Variants in MORN3 observed in about 807,000 individuals in gnomAD.
MORN3 encodes the protein MORN repeat containing 3, also known as MORN repeat-containing protein 3.
A neutral mutation model predicts 34.7 loss-of-function variants in MORN3; 38 were observed. The observed-to-expected ratio is 1.10, with a 90% CI of 0.85 to 1.44. The LOEUF is 1.44. Ranked by LOEUF, MORN3 falls within the 40% of genes most tolerant of loss-of-function variation. The probability of loss-of-function intolerance (pLI) is 0.00; values close to 1 mark genes in which losing one functional copy is unlikely to be tolerated. For missense variants in MORN3, 311 were observed against 321.7 expected, an observed-to-expected ratio of 0.97 and a Z score of 0.25; for synonymous variants, 109 against 115.3, an observed-to-expected ratio of 0.95 and a Z score of 0.35.
intron 2 of MORN3, among the ~76,000 whole-genome samples, chr12:121,658,392 C>G (rs1382816964): frequency 1.3e-5 from 2 of 151,550 alleles, no homozygotes; most frequent in Non-Finnish European, 2.9e-5. Context: ...CGGTGAAACC[C>G]CGTCTTTACT....
intron 2 of MORN3, among the ~76,000 whole-genome samples, chr12:121,658,512 G>GC (rs1206322950): frequency 7.0e-6 from 1 of 143,324 alleles, no homozygotes; most frequent in Non-Finnish European, 1.5e-5. Context: ...CTCGCAGTGA[G>GC]CCAAGATGGC....
At chr12:121,659,167 A>ACACACACC (rs1555326052) in intron 2 of MORN3, 24 bp downstream of exon 2, 5 of 1,554,070 alleles carry the variant, frequency 3.2e-6, no homozygotes, top group Admixed American at 1.8e-5. Flanking sequence ...ACACACACAC[A>ACACACACC]CCCCGGCTGG....
At chr12:121,667,101 C>T (rs1039591199) in intron 1 of MORN3, among the ~76,000 whole-genome samples, 2 of 151,816 alleles carry the variant, frequency 1.3e-5, no homozygotes, top group Non-Finnish European at 2.9e-5. Flanking sequence ...GCTGGGATTA[C>T]AGGTGCCTGC....
chr12:121,659,738 C>T (rs146054026), intron 1 of MORN3, among the ~76,000 whole-genome samples: 57 of 151,822 alleles, frequency 3.8e-4, no homozygotes, highest in Admixed American at 9.2e-4. Context: ...CCATGTTGGC[C>T]AGGCAGGTCT....
At chr12:121,670,611 C>T (rs1224871761), upstream of MORN3, among the ~76,000 whole-genome samples, 3 of 151,346 alleles carry the variant, frequency 2.0e-5, no homozygotes, top group Non-Finnish European at 2.9e-5. Context: ...GAGTTCGAGA[C>T]CAGCCTAGTC....
chr12:121,669,380 C>T lies in MORN3; in HGVS notation c.104G>A (p.Gly35Asp). ...CTTCCACTCGCCCACATAGTAGTCG[C>T]CATTCACAGCGTATACCTGGCTCCG... The part of the protein sequence containing the change: ...GLRSQVYAVN[G>D]DYYVGEWKDN... The change falls in exon 1 of 6, where the codon GGC becomes GAC. Residue 35 changes from glycine (G) to aspartate (D), a missense_variant. By Grantham distance (94) the Gly-to-Asp change is moderately conservative (BLOSUM62 -1). Transcript: ENST00000355329. 6.2e-7 allele frequency: 1 copy of T among 1,614,064 alleles called. No individual in the cohort carries two copies. Among genetic ancestry groups the T allele is most frequent in the Non-Finnish European group, 8.5e-7 (1 of 1,179,958 alleles).
rs1381870935 is a variant in MORN3 at position 121,669,468 on chromosome 12, A to C, written c.16T>G (p.Cys6Gly). MPVSKCPKKSESLWKG... is the reference protein window; with the variant it reads MPVSKGPKKSESLWKG... ...CACAGGGACTCCGACTTTTTTGGGC[A>C]CTTAGAGACTGGCATGGTGGCTGCT... The change falls in exon 1 of 6, where the codon TGC (cysteine) becomes GGC (glycine). Residue 6 changes from cysteine (C) to glycine (G), a missense_variant. Physicochemically the swap from Cys to Gly is radical, Grantham distance 159. Coordinates refer to ENST00000355329, the MANE Select transcript of MORN3 (RefSeq NM_173855.5). The C allele has an allele frequency of 1.2e-6, 2 of 1,613,706 alleles. No homozygotes were observed. The highest frequency in any genetic ancestry group is 1.7e-6 in the Non-Finnish European group (2 of 1,179,752).
upstream of MORN3, among the ~76,000 whole-genome samples, chr12:121,669,931 T>C (rs1357212288): frequency 6.6e-6 from 1 of 151,622 alleles, no homozygotes; most frequent in Admixed American, 6.6e-5. Flanking sequence ...TGGAGTGCAG[T>C]GGCACCATCT....
At chr12:121,663,846 C>T (rs967393224) in intron 1 of MORN3, among the ~76,000 whole-genome samples, 49 of 152,058 alleles carry the variant, frequency 3.2e-4, no homozygotes, top group African/African-American at 1.1e-3. Context: ...TGGTAGGGCC[C>T]AACCACATTG....
upstream of MORN3, among the ~76,000 whole-genome samples, chr12:121,671,208 C>G (rs1293285355): frequency 1.3e-5 from 2 of 149,884 alleles, no homozygotes; most frequent in Non-Finnish European, 3.0e-5. Flanking sequence ...GAGATTGAGA[C>G]CATCCTGACT....
At chr12:121,667,545 G>A (rs758507188) in intron 1 of MORN3, among the ~76,000 whole-genome samples, 4 of 150,440 alleles carry the variant, frequency 2.7e-5, no homozygotes, top group Middle Eastern at 3.5e-3. Context: ...GTGAGCCACT[G>A]TCCCCGGCCT....
In MORN3 at chr12:121,649,460, A is replaced by C. The variant is rs1893201205; in HGVS notation, c.*2191T>G. On this transcript the variant is annotated 3_prime_UTR_variant, in exon 6 of 6. Transcript: ENST00000355329. Reference sequence around the variant, plus strand: ...GCGAAGCTGTCAGCACACGGCCTGGAATAGAGTGAGTGCTCCATATCTGGA... The same window carrying C: ...GCGAAGCTGTCAGCACACGGCCTGGCATAGAGTGAGTGCTCCATATCTGGA... 6.6e-6 allele frequency: 1 copy of C among 152,132 alleles called. No individual in the cohort carries two copies. Among genetic ancestry groups the C allele is most frequent in the Non-Finnish European group, 1.5e-5 (1 of 68,054 alleles). The allele number at this position is 152,132 out of a possible 1,614,324, so 9.4% of individuals were successfully genotyped here. A position where few individuals can be genotyped will look rare whatever the true frequency, so the allele number is the denominator to read the frequency against.
Position 121,659,352 on chromosome 12 carries a change from G to A in MORN3, c.146-4C>T. On this transcript the variant is annotated splice_polypyrimidine_tract_variant and splice_region_variant and intron_variant, in intron 1 of 5. Transcript: ENST00000355329. The stretch of plus-strand genomic sequence containing the variant: ...TTCCAGACCTGTGTTCCTTTCCCTG[G>A]TGACACACAGATGGGCAATGCTGCA... 3.7e-6 allele frequency: 6 copies of A among 1,613,416 alleles called. 1 individual carries two copies. The South Asian group carries it at 6.6e-5, about 18-fold the overall frequency.
At chr12:121,656,177 TCTC>T (rs1464137248) in intron 2 of MORN3, among the ~76,000 whole-genome samples, 1 of 152,156 alleles carries the variant, frequency 6.6e-6, no homozygotes, top group Non-Finnish European at 1.5e-5. Flanking sequence ...CCGCAACTCT[TCTC>T]CTCACTCCTG....
intron 2 of MORN3, 29 bp downstream of exon 2, chr12:121,659,161 AC>A: frequency 6.2e-7 from 1 of 1,605,074 alleles, no homozygotes. Context: ...ACACACACAC[AC>A]ACACACCCCG....
chr12:121,654,506 AC>A, intron 2 of MORN3, 73 bp from the exon 3 acceptor site: 1 of 1,471,702 alleles, frequency 6.8e-7, no homozygotes, highest in Non-Finnish European at 9.1e-7. Context: ...CTTCCCAGGC[AC>A]CCCTAGAGCC....
chr12:121,665,404 C>T (rs1316978422), intron 1 of MORN3, among the ~76,000 whole-genome samples: 9 of 146,504 alleles, frequency 6.1e-5, no homozygotes, highest in African/African-American at 2.0e-4. Context: ...CATTCTCCTG[C>T]CTCAGCCTCC....
chr12:121,664,747 C>T (rs1434608780), intron 1 of MORN3, among the ~76,000 whole-genome samples: 2 of 151,800 alleles, frequency 1.3e-5, no homozygotes, highest in Admixed American at 6.6e-5. Context: ...GGAGTCAGCC[C>T]ACCCGAACCT....
chr12:121,665,278 CTTTTTTTTTT>C (rs767525874), intron 1 of MORN3, among the ~76,000 whole-genome samples: 174 of 50,664 alleles, frequency 3.4e-3, no homozygotes, highest in Middle Eastern at 0.025. Context: ...TTTTTCTTTC[CTTTTTTTTTT>C]TTTTTTTTTT....
Sources: gnomAD v4.1 joint callset for allele counts (sites outside exome capture counted in the v4.1 genomes callset) on GRCh38, gnomAD v4.1.1 for gene constraint, MANE v1.5 for transcripts, NCBI Gene and HGNC (gene_info 2026-07-23, HGNC 2026-07-21) for gene names.